Variants in SPMAP2L observed in about 807,000 individuals in gnomAD.
SPMAP2L encodes sperm microtubule associated protein 2-like.
At chr4:56,593,165 CA>C in the SPMAP2L span, 1 of 1,560,074 alleles carries the variant, frequency 6.4e-7, no homozygotes, top group Non-Finnish European at 8.8e-7. Context: ...TGAGGTGTCT[CA>C]GGGGAGGCTG....
At chr4:56,534,023 CTT>C in the SPMAP2L span, among the ~76,000 whole-genome samples, 1 of 152,098 alleles carries the variant, frequency 6.6e-6, no homozygotes, top group Non-Finnish European at 1.5e-5. Context: ...CACAATAACT[CTT>C]ATCTTTAAGA....
the SPMAP2L span, among the ~76,000 whole-genome samples, chr4:56,618,974 A>G: frequency 1.3e-5 from 2 of 152,162 alleles, no homozygotes; most frequent in African/African-American, 4.8e-5. Context: ...TTTTGTTTAT[A>G]TGTTCTGGAC....
At chr4:56,564,097 C>T in the SPMAP2L span, among the ~76,000 whole-genome samples, 11 of 150,896 alleles carry the variant, frequency 7.3e-5, no homozygotes, top group East Asian at 9.7e-4. Flanking sequence ...GTCTTTCAGA[C>T]AGTTTATTAA....
the SPMAP2L span, among the ~76,000 whole-genome samples, chr4:56,596,121 T>C: frequency 1.3e-5 from 2 of 152,234 alleles, no homozygotes; most frequent in Non-Finnish European, 2.9e-5. Context: ...AGGACAAATG[T>C]TTACATTTTG....
At chr4:56,607,351 C>CT in the SPMAP2L span, among the ~76,000 whole-genome samples, 13 of 152,152 alleles carry the variant, frequency 8.5e-5, no homozygotes, top group Admixed American at 6.5e-4. Context: ...CTATTGGCAC[C>CT]TTGATCTTAG....
the SPMAP2L span, among the ~76,000 whole-genome samples, chr4:56,536,917 C>T: frequency 6.6e-6 from 1 of 152,102 alleles, no homozygotes; most frequent in Non-Finnish European, 1.5e-5. Context: ...GTATGCACCA[C>T]CATGCCTGGC....
chr4:56,575,221 T>C, the SPMAP2L span, among the ~76,000 whole-genome samples: 1 of 150,432 alleles, frequency 6.6e-6, no homozygotes, highest in Non-Finnish European at 1.5e-5. Flanking sequence ...TGCACTCCAG[T>C]CTGGGCGACA....
chr4:56,607,441 C>CA, the SPMAP2L span, among the ~76,000 whole-genome samples: 10 of 152,104 alleles, frequency 6.6e-5, no homozygotes, highest in African/African-American at 1.9e-4. Context: ...TATAGTAGCC[C>CA]AAAAAATTGA....
chr4:56,548,859 A>G, the SPMAP2L span: 2 of 1,400,780 alleles, frequency 1.4e-6, no homozygotes, highest in South Asian at 1.6e-5. Context: ...TCACAGACCT[A>G]AACTAATAGG....
the SPMAP2L span, among the ~76,000 whole-genome samples, chr4:56,612,233 C>A: frequency 1.3e-5 from 2 of 152,178 alleles, no homozygotes; most frequent in Non-Finnish European, 2.9e-5. Flanking sequence ...TTTTGCCTTC[C>A]TGGATAATTA....
At chr4:56,593,702 G>A in the SPMAP2L span, 1 of 1,595,944 alleles carries the variant, frequency 6.3e-7, no homozygotes, top group Non-Finnish European at 8.6e-7. Flanking sequence ...TGGAAGAATG[G>A]TGGGGGCAAC....
At chr4:56,586,788 A>C in the SPMAP2L span, among the ~76,000 whole-genome samples, 1 of 152,164 alleles carries the variant, frequency 6.6e-6, no homozygotes, top group South Asian at 2.1e-4. Flanking sequence ...GAAGTCACAT[A>C]ACATTACAGC....
the SPMAP2L span, among the ~76,000 whole-genome samples, chr4:56,620,874 G>T: frequency 3.3e-5 from 5 of 152,248 alleles, no homozygotes; most frequent in Non-Finnish European, 7.3e-5. Flanking sequence ...ATCTGAGAGT[G>T]CCCCTTCAGT....
chr4:56,588,457 G>A, the SPMAP2L span, among the ~76,000 whole-genome samples: 7 of 150,176 alleles, frequency 4.7e-5, no homozygotes, highest in African/African-American at 1.7e-4. Flanking sequence ...TTGAGACGGA[G>A]GTTCATTCTT....
At chr4:56,542,390 C>T in the SPMAP2L span, among the ~76,000 whole-genome samples, 3 of 152,030 alleles carry the variant, frequency 2.0e-5, no homozygotes, top group South Asian at 6.2e-4. Flanking sequence ...ACTGAGACCT[C>T]TCCTGCATGA....
the SPMAP2L span, among the ~76,000 whole-genome samples, chr4:56,602,421 G>A: frequency 2.0e-5 from 3 of 152,276 alleles, no homozygotes; most frequent in South Asian, 2.1e-4. Context: ...GGCTGGATGC[G>A]TTGGCTCACA....
At chr4:56,568,306 C>T in the SPMAP2L span, among the ~76,000 whole-genome samples, 1 of 152,094 alleles carries the variant, frequency 6.6e-6, no homozygotes, top group Non-Finnish European at 1.5e-5. Context: ...CATTATGGGT[C>T]ATAATTTACT....
the SPMAP2L span, among the ~76,000 whole-genome samples, chr4:56,549,787 C>T: frequency 2.6e-5 from 4 of 152,206 alleles, no homozygotes; most frequent in African/African-American, 9.7e-5. Flanking sequence ...AAATTACCTT[C>T]AGGCTATGTG....
chr4:56,612,869 C>T, the SPMAP2L span, among the ~76,000 whole-genome samples: 69,410 of 151,894 alleles, frequency 0.46, 16,400 homozygotes, highest in East Asian at 0.64. Flanking sequence ...GCCCGGCCTG[C>T]TAACCTTTTT....
Sources: gnomAD v4.1 joint callset for allele counts (sites outside exome capture counted in the v4.1 genomes callset) on GRCh38, gnomAD v4.1.1 for gene constraint, MANE v1.5 for transcripts, NCBI Gene and HGNC (gene_info 2026-07-23, HGNC 2026-07-21) for gene names.